The following SIRPB2 variants were observed in gnomAD, a reference collection of about 807,000 sequenced individuals.
The protein encoded by SIRPB2 is signal regulatory protein beta 2, also known as signal-regulatory protein beta-2.
SIRPB2 carries 18 observed loss-of-function variants against 27.1 expected under a neutral mutation model. The observed-to-expected ratio is 0.66, with a 90% CI of 0.46 to 0.98. The LOEUF (loss-of-function observed/expected upper bound fraction) is 0.98, where lower values mean the gene tolerates loss of function less well. SIRPB2 is among the 50% of genes least tolerant of loss of function. The probability of loss-of-function intolerance (pLI) is 0.00; values close to 1 mark genes in which losing one functional copy is unlikely to be tolerated. For synonymous variants in SIRPB2, 150 were observed against 164.6 expected (o/e 0.91, Z 0.68); for missense variants, 420 against 417.4 (o/e 1.01, Z -0.06).
chr20:1,482,175 A>T (rs912828886), intron 1 of SIRPB2, among the ~76,000 whole-genome samples: 1 of 152,188 alleles, frequency 6.6e-6, no homozygotes, highest in African/African-American at 2.4e-5. Context: ...TGAGTTTACT[A>T]CTGTAAGTTT....
At chr20:1,487,401 C>T (rs779614066) in intron 1 of SIRPB2, among the ~76,000 whole-genome samples, 1 of 152,198 alleles carries the variant, frequency 6.6e-6, no homozygotes, top group Non-Finnish European at 1.5e-5. Flanking sequence ...AAACTCAATG[C>T]CATTCCCATT....
At chr20:1,480,271 A>C in intron 1 of SIRPB2, 1 of 615,146 alleles carries the variant, frequency 1.6e-6, no homozygotes, top group East Asian at 2.8e-5. Flanking sequence ...CCTACAAACA[A>C]TAAATAACAC....
At chr20:1,480,098 C>T (rs747959916) in intron 1 of SIRPB2, 33 bp from the exon 2 acceptor site, 1 of 1,559,384 alleles carries the variant, frequency 6.4e-7, no homozygotes, top group Admixed American at 2.0e-5. Context: ...TTGCACTGGG[C>T]AGGAAGGACT....
At chr20:1,489,080 C>G (rs546909832) in intron 1 of SIRPB2, among the ~76,000 whole-genome samples, 1 of 152,064 alleles carries the variant, frequency 6.6e-6, no homozygotes, top group Non-Finnish European at 1.5e-5. Flanking sequence ...AATAATTATG[C>G]GGAGTAAAAG....
rs2090633474 is a variant in SIRPB2, at chr20:1,478,528, A to G, written c.531T>C (p.Phe177=). Residue 177 remains phenylalanine, a synonymous_variant, in exon 3 of 5, where the codon TTT becomes TTC. Transcript: ENST00000359801. The part of the protein sequence containing the change: ...LVLGTTGDTV[F]LNCTVLGDGP... ...CGTCTCCAAGCACTGTGCAGTTCAGAAAGACAGTGTCTCCAGTGGTCCCCA... is the reference window on the plus strand; with the variant it reads ...CGTCTCCAAGCACTGTGCAGTTCAGGAAGACAGTGTCTCCAGTGGTCCCCA... 3.1e-6 allele frequency: 5 copies of G among 1,613,622 alleles called. No homozygotes were observed. The highest frequency in any genetic ancestry group is 2.5e-6 in the Non-Finnish European group (3 of 1,179,810).
intron 4 of SIRPB2, 97 bp downstream of exon 4, chr20:1,477,241 C>T (rs747061537): frequency 2.5e-6 from 4 of 1,613,532 alleles, no homozygotes; most frequent in Non-Finnish European, 2.5e-6. Context: ...CAGGTTAGCC[C>T]CAGGAGTCTG....
chr20:1,478,433 C>T lies in SIRPB2; in HGVS notation c.626G>A (p.Gly209Asp). Residue 209 changes from glycine (G) to aspartate (D), a missense_variant, in exon 3 of 5, where the codon GGC (glycine) becomes GAC (aspartate). Physicochemically the swap from Gly to Asp is moderately conservative, Grantham distance 94. Coordinates refer to ENST00000359801, the MANE Select transcript of SIRPB2 (RefSeq NM_001122962.2). ...CGCTGTCTCCTTGGGGTGGGAGATGCCTCCAAAGTTGTAAATGGCCTCCCG... is the reference window on the plus strand; with the variant it reads ...CGCTGTCTCCTTGGGGTGGGAGATGTCTCCAAAGTTGTAAATGGCCTCCCG... ...LSREAIYNFG[G>D]ISHPKETAVQ... is the part of the protein sequence containing the mutation. 6.2e-7 allele frequency: 1 copy of T among 1,614,200 alleles called. No homozygotes were observed.
chr20:1,478,094 T>C lies in SIRPB2; in HGVS notation c.793+172A>G, dbSNP rs186174875. On this transcript the variant is annotated intron_variant, in intron 3 of 4. Transcript: ENST00000359801. ...GAGGAAGGGCCATTTGTGCTGGGCCTTGAAGGATGAGTAGGAGTTTTCAGA... is the reference window on the plus strand; with the variant it reads ...GAGGAAGGGCCATTTGTGCTGGGCCCTGAAGGATGAGTAGGAGTTTTCAGA... The C allele has an allele frequency of 4.8e-4, 351 of 726,646 alleles. No individual in the cohort carries two copies. The African/African-American group carries it at 5.4e-3, about 11-fold the overall frequency. The allele number at this position is 726,646 out of a possible 1,614,324, so 45.0% of individuals were successfully genotyped here.
chr20:1,477,439 A>G (rs377545694), intron 3 of SIRPB2, 36 bp from the exon 4 acceptor site: 19 of 1,583,478 alleles, frequency 1.2e-5, no homozygotes, highest in Middle Eastern at 1.7e-4. Context: ...ACTTCCCTTT[A>G]TCTTTATCTC....
At chr20:1,488,004 G>A (rs1306536878) in intron 1 of SIRPB2, among the ~76,000 whole-genome samples, 1 of 152,062 alleles carries the variant, frequency 6.6e-6, no homozygotes, top group Non-Finnish European at 1.5e-5. Context: ...TGCAAACATG[G>A]AAAAAAACTT....
rs555381552 is a variant in SIRPB2, at chr20:1,480,306, C to T, written c.86-241G>A. 16 of 496,542 alleles carry T rather than the reference C, an allele frequency of 3.2e-5. No homozygotes were observed. In the South Asian group the frequency reaches 4.8e-4, roughly 15 times the overall value. The allele number at this position is 496,542 out of a possible 1,614,324, so 30.8% of individuals were successfully genotyped here. A position where few individuals can be genotyped will look rare whatever the true frequency, so the allele number is the denominator to read the frequency against. ...CTCAAGTGCTCACCGTGTGCTGGGC[C>T]CTGCGTGCATGATGTCACTTATTCT... On this transcript the variant is annotated intron_variant, in intron 1 of 4. Transcript: ENST00000359801.
downstream of SIRPB2, chr20:1,473,722 G>C (rs562322003): frequency 2.5e-6 from 1 of 405,790 alleles, no homozygotes; most frequent in South Asian, 1.7e-5. Context: ...GAGGTCAGAG[G>C]GGGTGGCAGG....
chr20:1,476,178 C>T lies in SIRPB2; in HGVS notation c.1018G>A (p.Gly340Ser). 1 of 1,613,896 alleles carries T rather than the reference C, an allele frequency of 6.2e-7. No individual in the cohort carries two copies. Among genetic ancestry groups the T allele is most frequent in the Non-Finnish European group, 8.5e-7 (1 of 1,179,930 alleles). ...CTGGGGCTGACCCCTCACTCTTGAC[C>T]CTTGCTCCATGCTAAGGTGTTCATG... ...GAMNTLAWSK[G>S]QE The change falls in exon 5 of 5, where the codon GGT becomes AGT. Residue 340 changes from glycine to serine, a missense_variant. Physicochemically the swap from Gly to Ser is moderately conservative, Grantham distance 56. Transcript: ENST00000359801.
chr20:1,484,236 T>TA (rs2090703064), intron 1 of SIRPB2, among the ~76,000 whole-genome samples: 1 of 151,792 alleles, frequency 6.6e-6, no homozygotes, highest in Non-Finnish European at 1.5e-5. Context: ...CCTAAAACTA[T>TA]AAAAACTACT....
intron 1 of SIRPB2, among the ~76,000 whole-genome samples, chr20:1,485,969 C>T (rs890648167): frequency 3.9e-5 from 6 of 151,958 alleles, no homozygotes; most frequent in African/African-American, 1.4e-4. Flanking sequence ...GCCCTATTAT[C>T]TATTAAAAAG....
downstream of SIRPB2, among the ~76,000 whole-genome samples, chr20:1,472,241 C>T (rs770034653): frequency 1.4e-4 from 21 of 152,306 alleles, no homozygotes; most frequent in Non-Finnish European, 2.6e-4. Context: ...TGTCTCCCAT[C>T]CATTCCCCAC....
intron 1 of SIRPB2, among the ~76,000 whole-genome samples, chr20:1,485,913 GAT>G (rs1430995346): frequency 6.6e-6 from 1 of 151,852 alleles, no homozygotes; most frequent in Non-Finnish European, 1.5e-5. Context: ...CCTTGAAAAA[GAT>G]ACACTGCCAA....
Position 1,479,972 on chromosome 20 carries a change from C to T in SIRPB2, c.179G>A (p.Cys60Tyr). 6.2e-7 allele frequency: 1 copy of T among 1,614,232 alleles called. No homozygotes were observed. The highest frequency in any genetic ancestry group is 1.1e-5 in the South Asian group (1 of 91,090). The part of the protein sequence containing the change: ...VAEGETLLLR[C>Y]MVVGSCTDGM... ...ATCAGTGCAGGAGCCGACCACCATACACCTCAGTAGAAGTGTCTCACCTTC... is the reference window on the plus strand; with the variant it reads ...ATCAGTGCAGGAGCCGACCACCATATACCTCAGTAGAAGTGTCTCACCTTC... The change falls in exon 2 of 5, where the codon TGT (cysteine) becomes TAT (tyrosine). Residue 60 changes from cysteine to tyrosine, a missense_variant. By Grantham distance (194) the Cys-to-Tyr change is radical. Transcript: ENST00000359801.
In SIRPB2 at chr20:1,480,063, C is replaced by CATCTACAAAAGAGG; in HGVS notation, c.86-12_87dup (p.Ala30ProfsTer4). The CATCTACAAAAGAGG allele has an allele frequency of 6.2e-7, 1 of 1,602,474 alleles. No homozygotes were observed. The highest frequency in any genetic ancestry group is 8.5e-7 in the Non-Finnish European group (1 of 1,174,556). ...TCATTCCTGCTGCTCTGCCCAGAGG[C>CATCTACAAAAGAGG]ATCTACAAAAGAGGAAGAAAGACCT... On this transcript the variant is annotated stop_gained and frameshift_variant and splice_region_variant, in exon 2 of 5. Coordinates refer to ENST00000359801, the MANE Select transcript of SIRPB2 (RefSeq NM_001122962.2). LOFTEE classifies it high-confidence loss of function.
Sources: allele counts gnomAD v4.1 joint callset (sites outside exome capture counted in the v4.1 genomes callset), GRCh38; gene constraint gnomAD v4.1.1; transcripts MANE v1.5; gene names NCBI Gene and HGNC (gene_info 2026-07-23, HGNC 2026-07-21).